Variants in NOS1AP observed in about 807,000 individuals in gnomAD.
The protein encoded by NOS1AP is carboxyl-terminal PDZ ligand of neuronal nitric oxide synthase protein.
A neutral mutation model predicts 56.2 loss-of-function variants in NOS1AP; 21 were observed. That is an observed-to-expected ratio of 0.37 (90% CI 0.26 to 0.54). NOS1AP has a LOEUF of 0.54. NOS1AP is among the 20% of genes least tolerant of loss of function. NOS1AP has a pLI of 0.84. For missense variants in NOS1AP, 522 were observed against 657.8 expected, an observed-to-expected ratio of 0.79 and a Z score of 2.26; for synonymous variants, 270 against 274.6, an observed-to-expected ratio of 0.98 and a Z score of 0.17.
intron 5 of NOS1AP, among the ~76,000 whole-genome samples, chr1:162,343,458 A>G (rs775676974): frequency 3.9e-5 from 6 of 152,230 alleles, no homozygotes; most frequent in Non-Finnish European, 8.8e-5. Context: ...TTGCAGCAGC[A>G]TTCAAAAAAG....
Position 162,070,003 on chromosome 1 carries a change from C to A in NOS1AP, c.-175C>A. 2 of 367,500 alleles carry A rather than the reference C, an allele frequency of 5.4e-6. No homozygotes were observed. Among genetic ancestry groups the A allele is most frequent in the Non-Finnish European group, 9.8e-6 (2 of 204,212 alleles). 22.8% of individuals were successfully genotyped at this position (367,500 alleles called of 1,614,324 possible). ...CGCATCAGCTCAGCCCGCTGCCGCT[C>A]GGCCCTCGGCACCGCTCCGGGTCCG... On this transcript the variant is annotated 5_prime_UTR_variant, in exon 1 of 10. Transcript: ENST00000361897.
chr1:162,095,563 T>A (rs574921490), intron 1 of NOS1AP, among the ~76,000 whole-genome samples: 1 of 152,332 alleles, frequency 6.6e-6, no homozygotes, highest in African/African-American at 2.4e-5. Flanking sequence ...ATGTAGTAAT[T>A]GATAGAGCTA....
intron 2 of NOS1AP, among the ~76,000 whole-genome samples, chr1:162,173,848 A>C (rs1650926245): frequency 6.6e-6 from 1 of 152,222 alleles, no homozygotes; most frequent in African/African-American, 2.4e-5. Context: ...GCAAATCAAA[A>C]CCACAATGAG....
intron 5 of NOS1AP, among the ~76,000 whole-genome samples, chr1:162,340,986 A>T (rs1206817652): frequency 6.6e-6 from 1 of 152,080 alleles, no homozygotes; most frequent in African/African-American, 2.4e-5. Flanking sequence ...TAAGATGCTC[A>T]GTTCTGAGCA....
chr1:162,265,957 T>C (rs1179357232), intron 2 of NOS1AP, among the ~76,000 whole-genome samples: 1 of 152,208 alleles, frequency 6.6e-6, no homozygotes, highest in African/African-American at 2.4e-5. Context: ...GACCTCATAG[T>C]CCAACATGGC....
intron 1 of NOS1AP, among the ~76,000 whole-genome samples, chr1:162,130,305 T>C (rs1571042247): frequency 1.3e-5 from 2 of 152,236 alleles, no homozygotes; most frequent in African/African-American, 4.8e-5. Context: ...GAACTAGGAT[T>C]TGAATTCAGG....
At chr1:162,152,684 C>T (rs751023014) in intron 1 of NOS1AP, among the ~76,000 whole-genome samples, 7 of 152,240 alleles carry the variant, frequency 4.6e-5, no homozygotes, top group Non-Finnish European at 1.0e-4. Context: ...GCAATGTGCT[C>T]ACTGCTTGCC....
At chr1:162,345,924 T>C (rs1007433433) in intron 6 of NOS1AP, among the ~76,000 whole-genome samples, 1 of 152,122 alleles carries the variant, frequency 6.6e-6, no homozygotes, top group African/African-American at 2.4e-5. Flanking sequence ...AAAACAAGAA[T>C]AGAAAAAATC....
intron 2 of NOS1AP, among the ~76,000 whole-genome samples, chr1:162,280,207 T>C (rs888466700): frequency 6.6e-6 from 1 of 152,208 alleles, no homozygotes; most frequent in Admixed American, 6.5e-5. Flanking sequence ...AGGTAAAGTA[T>C]GAATACCTAA....
chr1:162,251,869 G>GTTTTTTTTTTTT (rs57313228), intron 2 of NOS1AP, among the ~76,000 whole-genome samples: 151 of 82,110 alleles, frequency 1.8e-3, no homozygotes, highest in African/African-American at 5.5e-3. Flanking sequence ...TTTTTTTTTT[G>GTTTTTTTTTTTT]TTTTTTTTTT....
intron 4 of NOS1AP, among the ~76,000 whole-genome samples, chr1:162,321,238 T>C (rs955296570): frequency 2.6e-5 from 4 of 152,218 alleles, no homozygotes; most frequent in Non-Finnish European, 5.9e-5. Context: ...ATCAGATAGT[T>C]GTAGATGTGT....
chr1:162,233,582 C>A (rs2101671964), intron 2 of NOS1AP, among the ~76,000 whole-genome samples: 1 of 152,244 alleles, frequency 6.6e-6, no homozygotes, highest in East Asian at 1.9e-4. Flanking sequence ...CAAGAAGAAA[C>A]CCTATACCCA....
rs111579031 is a variant in NOS1AP, at chr1:162,221,698, A to G, written c.178-65646A>G. Among the ~76,000 whole-genome samples the G allele has an allele frequency of 2.2e-3, 335 of 152,286 alleles. 2 individuals are homozygous for G. The highest frequency in any genetic ancestry group is 7.8e-3 in the African/African-American group (323 of 41,558). The stretch of plus-strand genomic sequence containing the variant: ...CTAATTTTCAAACGGAGGGTATTAA[A>G]TAACTTATAGGACTGTTAGTAAATA... On this transcript the variant is annotated intron_variant, in intron 2 of 9. Transcript: ENST00000361897.
At chr1:162,206,448 A>G (rs776974666) in intron 2 of NOS1AP, among the ~76,000 whole-genome samples, 4 of 152,214 alleles carry the variant, frequency 2.6e-5, no homozygotes, top group Non-Finnish European at 5.9e-5. Context: ...TTTGACACAC[A>G]GCCACACACA....
intron 1 of NOS1AP, among the ~76,000 whole-genome samples, chr1:162,100,907 GT>G (rs1410699590): frequency 6.6e-6 from 1 of 151,864 alleles, no homozygotes; most frequent in Non-Finnish European, 1.5e-5. Flanking sequence ...TCTGATGATA[GT>G]TTCTTTCACT....
intron 2 of NOS1AP, among the ~76,000 whole-genome samples, chr1:162,249,212 C>T (rs982235022): frequency 6.6e-6 from 1 of 152,166 alleles, no homozygotes; most frequent in African/African-American, 2.4e-5. Flanking sequence ...GTGCTTTTCT[C>T]AGCCTAGCCC....
chr1:162,208,679 C>T (rs1652245978), intron 2 of NOS1AP, among the ~76,000 whole-genome samples: 1 of 152,174 alleles, frequency 6.6e-6, no homozygotes, highest in Admixed American at 6.5e-5. Context: ...CCCTGAAAGG[C>T]AAGATCATCC....
At chr1:162,362,198 C>G (rs1295838523) in intron 8 of NOS1AP, among the ~76,000 whole-genome samples, 3 of 152,180 alleles carry the variant, frequency 2.0e-5, no homozygotes, top group African/African-American at 7.2e-5. Flanking sequence ...CACCTGTAGT[C>G]CCAGCACTTT....
intron 2 of NOS1AP, among the ~76,000 whole-genome samples, chr1:162,159,467 GTTTCAAAGCA>G (rs1216325080): frequency 6.6e-6 from 1 of 152,062 alleles, no homozygotes; most frequent in Non-Finnish European, 1.5e-5. Flanking sequence ...CTTCCTTTGG[GTTTCAAAGCA>G]TTTCATAAAT....
Sources: allele counts gnomAD v4.1 joint callset (sites outside exome capture counted in the v4.1 genomes callset), GRCh38; gene constraint gnomAD v4.1.1; transcripts MANE v1.5; gene names NCBI Gene and HGNC (gene_info 2026-07-23, HGNC 2026-07-21).